ABCA1: variants seen among roughly 807,000 people sequenced by gnomAD.
ABCA1 encodes the protein phospholipid-transporting ATPase ABCA1.
Under a neutral mutation model 262.5 loss-of-function variants are expected in ABCA1, and 133 were observed. That is an observed-to-expected ratio of 0.51 (90% CI 0.44 to 0.59). The LOEUF is 0.59. Among genes scored for constraint, ABCA1 ranks in the 20% least tolerant of loss-of-function variants. The probability of loss-of-function intolerance (pLI) is 0.00; values close to 1 mark genes in which losing one functional copy is unlikely to be tolerated. For missense variants in ABCA1, 2,452 were observed against 2,777.5 expected, an observed-to-expected ratio of 0.88 and a Z score of 2.63; for synonymous variants, 1,022 against 1,043.5, an observed-to-expected ratio of 0.98 and a Z score of 0.40.
chr9:104,798,974 T>C (rs1342651760), intron 36 of ABCA1, among the ~76,000 whole-genome samples: 2 of 152,128 alleles, frequency 1.3e-5, no homozygotes, highest in Non-Finnish European at 2.9e-5. Context: ...GAAAACTAAA[T>C]GAGAGCAGAA....
chr9:104,858,000 C>T (rs1189596215), intron 7 of ABCA1, among the ~76,000 whole-genome samples: 1 of 152,118 alleles, frequency 6.6e-6, no homozygotes, highest in African/African-American at 2.4e-5. Flanking sequence ...ACTATTGATT[C>T]CTAGGCTGAA....
intron 8 of ABCA1, among the ~76,000 whole-genome samples, chr9:104,844,039 AAACCAGGG>A (rs1834634754): frequency 6.6e-6 from 1 of 151,842 alleles, no homozygotes; most frequent in Non-Finnish European, 1.5e-5. Context: ...AAAAAAAAAA[AAACCAGGG>A]CCAGTGATGT....
At chr9:104,790,841 A>C in intron 44 of ABCA1, 81 bp downstream of exon 44, 1 of 980,100 alleles carries the variant, frequency 1.0e-6, no homozygotes, top group Non-Finnish European at 1.6e-6. Flanking sequence ...ATACCACTGT[A>C]ATCAAAAATA....
chr9:104,843,525 T>C (rs2119045346), intron 8 of ABCA1, among the ~76,000 whole-genome samples: 1 of 152,272 alleles, frequency 6.6e-6, no homozygotes, highest in South Asian at 2.1e-4. Flanking sequence ...CAGTTCTGGG[T>C]TTGAATCCCA....
intron 1 of ABCA1, among the ~76,000 whole-genome samples, chr9:104,926,943 G>A (rs959806565): frequency 2.0e-5 from 3 of 152,162 alleles, no homozygotes; most frequent in Non-Finnish European, 4.4e-5. Flanking sequence ...CGCGCGCGGT[G>A]GCTCACGCCT....
At chr9:104,806,138 C>T (rs1830740628) in intron 31 of ABCA1, 103 bp downstream of exon 31, 1 of 1,234,762 alleles carries the variant, frequency 8.1e-7, no homozygotes, top group Non-Finnish European at 1.1e-6. Context: ...AAGACTGAAA[C>T]AGACCCTCCC....
chr9:104,837,540 T>G lies in ABCA1; in HGVS notation c.1082A>C (p.Asn361Thr). ...TTPYCNDLMK[N>T]LESSPLSRII... ...GCGGGAAAGAGGACTAGACTCCAAA[T>G]TCTTCATCAAATCATTGCAGTAAGG... The change falls in exon 10 of 50, where the codon AAT (asparagine) becomes ACT (threonine). Residue 361 changes from asparagine to threonine, a missense_variant. By Grantham distance (65) the Asn-to-Thr change is moderately conservative (BLOSUM62 0). Coordinates refer to ENST00000374736, the MANE Select transcript of ABCA1 (RefSeq NM_005502.4). 2 of 1,614,164 alleles carry G rather than the reference T, an allele frequency of 1.2e-6. No individual in the cohort carries two copies. Among genetic ancestry groups the G allele is most frequent in the Non-Finnish European group, 1.7e-6 (2 of 1,180,024 alleles).
intron 32 of ABCA1, 94 bp downstream of exon 32, chr9:104,804,532 G>A (rs1022336391): frequency 1.0e-6 from 1 of 993,954 alleles, no homozygotes; most frequent in Non-Finnish European, 1.6e-6. Context: ...CCATAATCTG[G>A]CATTTCCCCC....
At position 104,804,615 on chromosome 9, in the gene ABCA1, T is replaced by C; in HGVS notation, c.4559+11A>G. On this transcript the variant is annotated intron_variant, in intron 32 of 49. Coordinates refer to ENST00000374736, the MANE Select transcript of ABCA1 (RefSeq NM_005502.4). ...ATAATACGGCAGGGGCCAAGTTTAG[T>C]AAAAAGTCACCTTTTGGCTATGATC... is the stretch of plus-strand genomic sequence containing the variant. 2 of 1,612,446 alleles carry C rather than the reference T, an allele frequency of 1.2e-6. No homozygotes were observed. The highest frequency in any genetic ancestry group is 1.7e-6 in the Non-Finnish European group (2 of 1,178,472).
intron 46 of ABCA1, 128 bp downstream of exon 46, chr9:104,787,792 A>G: frequency 6.3e-7 from 1 of 1,596,820 alleles, no homozygotes; most frequent in Non-Finnish European, 8.5e-7. Flanking sequence ...TGCTTTTCCA[A>G]GGTTGCTCTG....
intron 7 of ABCA1, among the ~76,000 whole-genome samples, chr9:104,847,866 G>C (rs973643450): frequency 6.6e-6 from 1 of 152,150 alleles, no homozygotes; most frequent in Non-Finnish European, 1.5e-5. Context: ...ATAATAGGTT[G>C]TGTATAGATA....
At chr9:104,861,186 C>T (rs945629939) in intron 6 of ABCA1, among the ~76,000 whole-genome samples, 3 of 152,138 alleles carry the variant, frequency 2.0e-5, no homozygotes, top group Non-Finnish European at 4.4e-5. Flanking sequence ...GGACTGATCT[C>T]CTATTTAATG....
Position 104,792,945 on chromosome 9 carries a change from A to AT in ABCA1, c.5637-40dup, listed in dbSNP as rs780703250. On this transcript the variant is annotated intron_variant, in intron 41 of 49. Coordinates refer to ENST00000374736, the MANE Select transcript of ABCA1 (RefSeq NM_005502.4). ...ACAAGAAAAATGAACCTTTCAAACTATTTTTCAGGACAAAGATTCAGTCTC... is the reference window on the plus strand; with the variant it reads ...ACAAGAAAAATGAACCTTTCAAACTATTTTTTCAGGACAAAGATTCAGTCTC... 4 of 1,612,994 alleles carry AT rather than the reference A, an allele frequency of 2.5e-6. No homozygotes were observed. In the East Asian group the frequency reaches 8.9e-5, roughly 36 times the overall value.
At chr9:104,866,777 C>T (rs12004282) in intron 5 of ABCA1, among the ~76,000 whole-genome samples, 19,814 of 152,204 alleles carry the variant, frequency 0.13, 1,444 homozygotes, top group Middle Eastern at 0.19. Flanking sequence ...CATGAGCCAC[C>T]GCGCCCGGCG....
Position 104,832,743 on chromosome 9 carries a change from T to G in ABCA1, c.1340A>C (p.His447Pro). The G allele has an allele frequency of 6.2e-7, 1 of 1,614,194 alleles. No homozygotes were observed. The highest frequency in any genetic ancestry group is 1.1e-5 in the South Asian group (1 of 91,090). The part of the protein sequence containing the change: ...RMLLDSRDND[H>P]FWEQQLDGLD... Reference sequence around the variant, plus strand: ...GCCATCCAACTGCTGTTCCCAAAAGTGGTCATTGTCCCTGCTGTCCAACAG... The same window carrying G: ...GCCATCCAACTGCTGTTCCCAAAAGGGGTCATTGTCCCTGCTGTCCAACAG... The change falls in exon 12 of 50, where the codon CAC (histidine) becomes CCC (proline). Residue 447 changes from histidine to proline, a missense_variant. Around this residue, in one of 4 missense-constraint regions of ABCA1, gnomAD observed 1,032 missense variants for 1,089.7 expected, o/e 0.95. Transcript: ENST00000374736.
At chr9:104,908,107 A>G (rs1218123229) in intron 1 of ABCA1, among the ~76,000 whole-genome samples, 1 of 152,242 alleles carries the variant, frequency 6.6e-6, no homozygotes, top group Admixed American at 6.5e-5. Context: ...TTAAAACCAC[A>G]ATGAGATATC....
rs1236415649 is a variant in ABCA1, at chr9:104,819,568, TA to T, written c.3241+17del. On this transcript the variant is annotated intron_variant, in intron 22 of 49. Transcript: ENST00000374736. Reference sequence around the variant, plus strand: ...TCTCTCTCAGTCCATTTACTCAGAATAAATACACATCAGGCACCTTGTCGGT... The same window carrying T: ...TCTCTCTCAGTCCATTTACTCAGAATAATACACATCAGGCACCTTGTCGGT... 1.9e-6 allele frequency: 3 copies of T among 1,614,070 alleles called. No homozygotes were observed. The Admixed American group carries it at 5.0e-5, about 27-fold the overall frequency.
At chr9:104,788,598 T>G in intron 44 of ABCA1, 31 bp from the exon 45 acceptor site, 5 of 1,613,458 alleles carry the variant, frequency 3.1e-6, no homozygotes, top group Non-Finnish European at 4.2e-6. Flanking sequence ...ACTTAGATTT[T>G]AAGCAGGTAG....
intron 10 of ABCA1, 113 bp from the exon 11 acceptor site, chr9:104,837,209 TC>T: frequency 9.5e-7 from 1 of 1,055,380 alleles, no homozygotes; most frequent in Non-Finnish European, 1.4e-6. Context: ...GTGCCAGTCC[TC>T]CCCATCCCCA....
Sources: gnomAD v4.1 joint callset for allele counts (sites outside exome capture counted in the v4.1 genomes callset) on GRCh38, gnomAD v4.1.1 for gene constraint, gnomAD v4.1.1 regional missense constraint, MANE v1.5 for transcripts, NCBI Gene and HGNC (gene_info 2026-07-23, HGNC 2026-07-21) for gene names.